DPP10: variants seen among roughly 807,000 people sequenced by gnomAD.
DPP10 encodes the protein dipeptidyl peptidase like 10, also known as inactive dipeptidyl peptidase 10.
DPP10 carries 33 observed loss-of-function variants against 120.9 expected under a neutral mutation model. The observed-to-expected ratio is 0.27, with a 90% CI of 0.21 to 0.37. The LOEUF (loss-of-function observed/expected upper bound fraction) is 0.37, where lower values mean the gene tolerates loss of function less well. Among genes scored for constraint, DPP10 ranks in the 10% least tolerant of loss-of-function variants. DPP10 has a pLI of 1.00. For missense variants in DPP10, 816 were observed against 942.8 expected (o/e 0.87, Z 1.76); for synonymous variants, 337 against 326.1 (o/e 1.03, Z -0.36).
chr2:115,130,591 T>G (rs1033232360), intron 1 of DPP10, among the ~76,000 whole-genome samples: 5 of 152,124 alleles, frequency 3.3e-5, no homozygotes, highest in African/African-American at 4.8e-5. Flanking sequence ...TTTTTATAAA[T>G]GATGCTTCTG....
At chr2:115,706,611 C>T (rs1206939824) in intron 7 of DPP10, among the ~76,000 whole-genome samples, 1 of 151,956 alleles carries the variant, frequency 6.6e-6, no homozygotes, top group Non-Finnish European at 1.5e-5. Context: ...CAACTAAGCG[C>T]TTACACCATA....
intron 3 of DPP10, among the ~76,000 whole-genome samples, chr2:115,403,381 CTT>C (rs78116780): frequency 5.1e-4 from 60 of 118,364 alleles, no homozygotes; most frequent in African/African-American, 1.8e-3. Context: ...TTCTTTCCTT[CTT>C]TTTTTTTTTT....
intron 1 of DPP10, among the ~76,000 whole-genome samples, chr2:114,799,900 T>G (rs879511466): frequency 6.6e-6 from 1 of 152,242 alleles, no homozygotes; most frequent in Non-Finnish European, 1.5e-5. Context: ...TGAATCATTC[T>G]TCATTTAATA....
chr2:115,275,552 A>C (rs2105838019), intron 1 of DPP10, among the ~76,000 whole-genome samples: 1 of 152,298 alleles, frequency 6.6e-6, no homozygotes, highest in African/African-American at 2.4e-5. Context: ...AGAAACAGTT[A>C]CTATATAAGT....
intron 5 of DPP10, among the ~76,000 whole-genome samples, chr2:115,683,032 G>C (rs754638328): frequency 1.3e-5 from 2 of 151,772 alleles, no homozygotes; most frequent in Non-Finnish European, 2.9e-5. Flanking sequence ...AATTGGTTTT[G>C]TGACGGTCAG....
At chr2:115,636,270 G>A (rs1441968058) in intron 5 of DPP10, among the ~76,000 whole-genome samples, 1 of 151,974 alleles carries the variant, frequency 6.6e-6, no homozygotes, top group African/African-American at 2.4e-5. Context: ...AATAATAGGG[G>A]AAAACATCAA....
At chr2:115,803,148 GTTC>G (rs1249545303) in intron 19 of DPP10, among the ~76,000 whole-genome samples, 2 of 152,148 alleles carry the variant, frequency 1.3e-5, no homozygotes, top group Non-Finnish European at 2.9e-5. Flanking sequence ...AGGATAGTTA[GTTC>G]TTCTTGTTGA....
At chr2:114,469,857 C>T (rs970936373) in intron 1 of DPP10, among the ~76,000 whole-genome samples, 2 of 152,302 alleles carry the variant, frequency 1.3e-5, no homozygotes, top group Admixed American at 6.5e-5. Flanking sequence ...GCTAGCTGCA[C>T]AGAGCAGAGG....
At chr2:114,924,937 C>T (rs1264030984) in intron 1 of DPP10, among the ~76,000 whole-genome samples, 2 of 152,102 alleles carry the variant, frequency 1.3e-5, no homozygotes, top group Admixed American at 1.3e-4. Context: ...GTTGGCTGGG[C>T]ACGGTGGCTC....
chr2:115,021,299 G>A (rs1703057996), intron 1 of DPP10, among the ~76,000 whole-genome samples: 1 of 152,028 alleles, frequency 6.6e-6, no homozygotes, highest in Non-Finnish European at 1.5e-5. Context: ...GAATAGAGAA[G>A]ATTCAAATAA....
chr2:115,517,070 G>A (rs2077543656), intron 4 of DPP10, among the ~76,000 whole-genome samples: 1 of 152,064 alleles, frequency 6.6e-6, no homozygotes, highest in South Asian at 2.1e-4. Flanking sequence ...ATTGTGTGAA[G>A]TATAACTTTC....
chr2:114,993,044 A>G (rs963774956), intron 1 of DPP10, among the ~76,000 whole-genome samples: 2 of 152,086 alleles, frequency 1.3e-5, no homozygotes, highest in Non-Finnish European at 2.9e-5. Context: ...TTTAATGTGT[A>G]TGTTTTTGTG....
At chr2:114,480,804 A>C (rs1382619084) in intron 1 of DPP10, among the ~76,000 whole-genome samples, 1 of 152,008 alleles carries the variant, frequency 6.6e-6, no homozygotes, top group Non-Finnish European at 1.5e-5. Flanking sequence ...ACATGTATAC[A>C]TACGTAACAA....
At chr2:115,195,889 A>G (rs2067699) in intron 1 of DPP10, among the ~76,000 whole-genome samples, 9,676 of 152,218 alleles carry the variant, frequency 0.064, 345 homozygotes, top group Middle Eastern at 0.11. Context: ...GCACCCATAC[A>G]CAGCATATCT....
chr2:115,369,807 G>A (rs7589983), intron 3 of DPP10, among the ~76,000 whole-genome samples: 100,504 of 151,932 alleles, frequency 0.66, 33,792 homozygotes, highest in Admixed American at 0.75. Context: ...CGGTATTTGA[G>A]AAATGTCTTA....
Position 115,449,773 on chromosome 2 carries a change from C to T in DPP10, c.272-49737C>T, listed in dbSNP as rs1048743569. Among the ~76,000 whole-genome samples, 4 of 152,194 alleles carry T rather than the reference C, an allele frequency of 2.6e-5. No homozygotes were observed. In the South Asian group the frequency reaches 8.3e-4, roughly 32 times the overall value. On this transcript the variant is annotated intron_variant, in intron 3 of 25. Coordinates refer to ENST00000410059, the MANE Select transcript of DPP10 (RefSeq NM_020868.6). ...AAAGGTGAAGCCATAGACTCCATGT[C>T]AGATCCTCGGCACATATGTAATTGA... is the stretch of plus-strand genomic sequence containing the variant.
At chr2:114,455,155 ATT>A (rs1491114270) in intron 1 of DPP10, among the ~76,000 whole-genome samples, 2 of 104,464 alleles carry the variant, frequency 1.9e-5, no homozygotes, top group Non-Finnish European at 3.8e-5. Flanking sequence ...TTTTCTTTCT[ATT>A]GTGTGTGTGT....
intron 1 of DPP10, among the ~76,000 whole-genome samples, chr2:114,688,404 A>G (rs905654029): frequency 1.3e-5 from 2 of 151,910 alleles, no homozygotes. Flanking sequence ...GCTGCCTTGT[A>G]CAGTGACTCA....
intron 1 of DPP10, among the ~76,000 whole-genome samples, chr2:114,958,892 T>A (rs1448240376): frequency 6.6e-6 from 1 of 152,090 alleles, no homozygotes; most frequent in Admixed American, 6.5e-5. Context: ...TTTCCAGGGT[T>A]AAAAAAAGGG....
Sources: allele counts gnomAD v4.1 joint callset (sites outside exome capture counted in the v4.1 genomes callset), GRCh38; gene constraint gnomAD v4.1.1; transcripts MANE v1.5; gene names NCBI Gene and HGNC (gene_info 2026-07-23, HGNC 2026-07-21).